The following EZH2 variants were observed in gnomAD, a reference collection of about 807,000 sequenced individuals.
The protein encoded by EZH2 is enhancer of zeste 2 polycomb repressive complex 2 subunit, also known as histone-lysine N-methyltransferase EZH2.
EZH2 carries 18 observed loss-of-function variants against 98.4 expected under a neutral mutation model. That is an observed-to-expected ratio of 0.18 (90% confidence interval 0.13 to 0.27). The LOEUF (loss-of-function observed/expected upper bound fraction) is 0.27. Ranked by LOEUF, EZH2 falls within the 10% of genes least tolerant of loss-of-function variation. The probability of loss-of-function intolerance (pLI) is 1.00; values close to 1 mark genes in which losing one functional copy is unlikely to be tolerated. For synonymous variants in EZH2, 338 were observed against 312.3 expected (o/e 1.08, Z -0.87); for missense variants, 470 against 935.1 (o/e 0.50, Z 6.49).
chr7:148,817,477 C>T (rs990163387), intron 10 of EZH2, 86 bp from the exon 11 acceptor site: 20 of 1,378,062 alleles, frequency 1.5e-5, no homozygotes, highest in African/African-American at 5.8e-5. Context: ...AAGAAAAAAG[C>T]GAAAAGATGA....
At chr7:148,814,766 T>G (rs1584915516) in intron 14 of EZH2, 148 bp downstream of exon 14, 1 of 961,516 alleles carries the variant, frequency 1.0e-6, no homozygotes, top group Non-Finnish European at 1.5e-6. Flanking sequence ...CAGGGCCAGG[T>G]ATGGGGCTCA....
At chr7:148,810,958 ATGATTTT>A (rs1423143922) in intron 16 of EZH2, among the ~76,000 whole-genome samples, 4 of 151,628 alleles carry the variant, frequency 2.6e-5, no homozygotes, top group Non-Finnish European at 5.9e-5. Context: ...AGCTAGGCCT[ATGATTTT>A]TCGGTAACAC....
At chr7:148,850,827 C>A (rs1334130463) in intron 1 of EZH2, among the ~76,000 whole-genome samples, 4 of 152,108 alleles carry the variant, frequency 2.6e-5, no homozygotes, top group African/African-American at 9.7e-5. Flanking sequence ...CATGTTTTTT[C>A]CTATACGTAC....
At position 148,814,263 on chromosome 7, in the gene EZH2, A is replaced by G. The variant is rs555406457; in HGVS notation, c.1673-126T>C. 8 of 752,634 alleles carry G rather than the reference A, an allele frequency of 1.1e-5. No homozygotes were observed. The South Asian group carries it at 1.4e-4, about 13-fold the overall frequency. 46.6% of individuals were successfully genotyped at this position (752,634 alleles called of 1,614,324 possible). ...ACCCTCACAACCACCTTATTACCCT[A>G]CTATATAGACAAGGAAATGGAAGTA... On this transcript the variant is annotated intron_variant, in intron 14 of 19. Coordinates refer to ENST00000320356, the MANE Select transcript of EZH2 (RefSeq NM_004456.5).
intron 10 of EZH2, 117 bp from the exon 11 acceptor site, chr7:148,817,508 G>T: frequency 2.1e-6 from 2 of 974,908 alleles, no homozygotes; most frequent in Non-Finnish European, 3.0e-6. Context: ...AATCCAATCG[G>T]CAAAACACTA....
At chr7:148,876,927 A>G (rs145564097) in intron 1 of EZH2, among the ~76,000 whole-genome samples, 90 of 152,294 alleles carry the variant, frequency 5.9e-4, no homozygotes, top group African/African-American at 2.1e-3. Flanking sequence ...AAGCTAACGT[A>G]CCCAAATTAA....
intron 1 of EZH2, among the ~76,000 whole-genome samples, chr7:148,848,697 T>C (rs1462081806): frequency 6.6e-6 from 1 of 152,198 alleles, no homozygotes; most frequent in African/African-American, 2.4e-5. Flanking sequence ...GTATACGAAC[T>C]TGAATAAAAT....
In EZH2 at chr7:148,846,478, T is replaced by C; in HGVS notation, c.238A>G (p.Thr80Ala). 6.2e-7 allele frequency: 1 copy of C among 1,613,532 alleles called. No homozygotes were observed. The highest frequency in any genetic ancestry group is 8.5e-7 in the Non-Finnish European group (1 of 1,179,700). Residue 80 changes from threonine to alanine, a missense_variant, in exon 3 of 20, where the codon ACT (threonine) becomes GCT (alanine). This residue lies in a region of EZH2 where 79 missense variants were observed against 122.1 expected (regional missense o/e 0.65). Coordinates refer to ENST00000320356, the MANE Select transcript of EZH2 (RefSeq NM_004456.5). ...ILTSVSSLRG[T>A]RECSVTSDLD... ...ATGTTATGTTAACCAACCTCCCTAG[T>C]CCCGCGCAATGAGCTCACAGAAGTC... is the stretch of plus-strand genomic sequence containing the variant.
At chr7:148,817,749 T>C in intron 10 of EZH2, 128 bp downstream of exon 10, 4 of 1,268,200 alleles carry the variant, frequency 3.2e-6, no homozygotes, top group Non-Finnish European at 4.5e-6. Context: ...TACACATTCT[T>C]GAGATAACTC....
chr7:148,807,455 C>G lies in EZH2; in HGVS notation c.*191G>C, dbSNP rs969507672. The G allele has an allele frequency of 1.7e-6, 1 of 589,228 alleles. No homozygotes were observed. The highest frequency in any genetic ancestry group is 3.0e-6 in the Non-Finnish European group (1 of 329,728). 36.5% of individuals were successfully genotyped at this position (589,228 alleles called of 1,614,324 possible). The stretch of plus-strand genomic sequence containing the variant: ...GCATTATTGCAAAAATTCACTGGTA[C>G]AAAACACTTTGCAGCTGGTGAGAAG... On this transcript the variant is annotated 3_prime_UTR_variant, in exon 20 of 20. Coordinates refer to ENST00000320356, the MANE Select transcript of EZH2 (RefSeq NM_004456.5).
chr7:148,854,677 C>T (rs1261444355), intron 1 of EZH2, among the ~76,000 whole-genome samples: 1 of 152,196 alleles, frequency 6.6e-6, no homozygotes, highest in Admixed American at 6.5e-5. Flanking sequence ...ACAATATTCT[C>T]AATGTCCTTC....
chr7:148,850,572 TACAC>T, intron 1 of EZH2: 1 of 303,110 alleles, frequency 3.3e-6, no homozygotes, highest in Non-Finnish European at 4.9e-6. Flanking sequence ...AAGGATGTTT[TACAC>T]AAAACAAACT....
intron 1 of EZH2, among the ~76,000 whole-genome samples, chr7:148,871,113 T>C (rs945435726): frequency 3.3e-5 from 5 of 152,000 alleles, no homozygotes; most frequent in Admixed American, 1.3e-4. Flanking sequence ...TACTCAACAT[T>C]GTTAATGCAA....
chr7:148,822,986 TATAGGA>T (rs1806608242), intron 8 of EZH2, among the ~76,000 whole-genome samples: 1 of 152,022 alleles, frequency 6.6e-6, no homozygotes, highest in Non-Finnish European at 1.5e-5. Context: ...CTCTTCAACA[TATAGGA>T]AGATCCTACC....
At chr7:148,823,765 C>T (rs1252652209) in intron 8 of EZH2, among the ~76,000 whole-genome samples, 1 of 151,980 alleles carries the variant, frequency 6.6e-6, no homozygotes, top group Admixed American at 6.6e-5. Flanking sequence ...GTCCTCCCAC[C>T]TCTGCCTCCC....
chr7:148,863,968 C>T (rs1005089414), intron 1 of EZH2, among the ~76,000 whole-genome samples: 1 of 152,184 alleles, frequency 6.6e-6, no homozygotes, highest in African/African-American at 2.4e-5. Flanking sequence ...GAACAGCATT[C>T]GCCTTCAAGA....
In EZH2 at chr7:148,816,674, A is replaced by T; in HGVS notation, c.1505+10T>A. ...GTTGACTTCTCTAAGGAGCTTCATG[A>T]CAGACTCACCGGTGTTTCCTCTTCT... is the stretch of plus-strand genomic sequence containing the variant. On this transcript the variant is annotated intron_variant, in intron 12 of 19. Transcript: ENST00000320356. 2.5e-6 allele frequency: 4 copies of T among 1,609,148 alleles called. No individual in the cohort carries two copies.
chr7:148,832,573 T>C, intron 4 of EZH2, 61 bp downstream of exon 4: 1 of 898,038 alleles, frequency 1.1e-6, no homozygotes. Context: ...TAAAATTATC[T>C]ATGCTTTTTT....
intron 3 of EZH2, among the ~76,000 whole-genome samples, chr7:148,841,315 A>G (rs1203997712): frequency 6.6e-6 from 1 of 152,144 alleles, no homozygotes; most frequent in Non-Finnish European, 1.5e-5. Context: ...GCCAGAAAGA[A>G]AGCAAAGGCT....
Sources: allele counts gnomAD v4.1 joint callset (sites outside exome capture counted in the v4.1 genomes callset), GRCh38; gene constraint gnomAD v4.1.1; regional missense constraint gnomAD v4.1.1; transcripts MANE v1.5; gene names NCBI Gene and HGNC (gene_info 2026-07-23, HGNC 2026-07-21).